Variants in CR1L observed in about 807,000 individuals in gnomAD.
The protein encoded by CR1L is complement component receptor 1-like protein.
Under a neutral mutation model 62.3 loss-of-function variants are expected in CR1L, and 59 were observed. The ratio of observed to expected loss-of-function variants is 0.95; its 90% CI spans 0.77 to 1.18. The LOEUF (loss-of-function observed/expected upper bound fraction) is 1.18, where lower values mean the gene tolerates loss of function less well. Among genes scored for constraint, CR1L ranks in the 50% most tolerant of loss-of-function variants. CR1L has a pLI of 0.00. For synonymous variants in CR1L, 279 were observed against 248.7 expected, an observed-to-expected ratio of 1.12 and a Z score of -1.15; for missense variants, 700 against 702.8, an observed-to-expected ratio of 1.00 and a Z score of 0.04.
intron 9 of CR1L, among the ~76,000 whole-genome samples, chr1:207,704,397 A>G (rs1664239281): frequency 6.6e-6 from 1 of 152,258 alleles, no homozygotes; most frequent in Non-Finnish European, 1.5e-5. Flanking sequence ...GAGCATTGTT[A>G]AAATGACCAC....
At chr1:207,678,413 A>T (rs888617141) in intron 3 of CR1L, 116 bp downstream of exon 3, 5 of 897,328 alleles carry the variant, frequency 5.6e-6, no homozygotes, top group Non-Finnish European at 8.6e-6. Context: ...TGCTCTTTAA[A>T]GGCTTCAACA....
intron 9 of CR1L, among the ~76,000 whole-genome samples, chr1:207,704,466 GA>G (rs1234573855): frequency 6.6e-6 from 1 of 152,200 alleles, no homozygotes; most frequent in African/African-American, 2.4e-5. Flanking sequence ...TGGGAGGATT[GA>G]CTCCAATTTT....
Position 207,715,227 on chromosome 1 carries a change from A to T in CR1L, c.1415-2237A>T, listed in dbSNP as rs1156347298. The T allele has an allele frequency of 5.3e-6, 4 of 760,152 alleles. No homozygotes were observed. In the African/African-American group the frequency reaches 6.9e-5, roughly 13 times the overall value. The allele number at this position is 760,152 out of a possible 1,614,324, so 47.1% of individuals were successfully genotyped here. A position where few individuals can be genotyped will look rare whatever the true frequency, so the allele number is the denominator to read the frequency against. ...GATAGTCAAGGAGGAAATGGTAGTG[A>T]GGAAGCTGAGCATCTATTAGTGAAG... On this transcript the variant is annotated intron_variant, in intron 10 of 11. Coordinates refer to ENST00000508064, the MANE Select transcript of CR1L (RefSeq NM_175710.2).
rs778019725 is a variant in CR1L at position 207,708,247 on chromosome 1, G to A, written c.1398G>A (p.Lys466=). The change falls in exon 10 of 12, where the codon AAG becomes AAA. Residue 466 remains lysine, a synonymous_variant. Coordinates refer to ENST00000508064, the MANE Select transcript of CR1L (RefSeq NM_175710.2). The part of the protein sequence containing the change: ...LSGNTAHWSM[K]PPICQQIFCP... ...GCAATACTGCCCATTGGAGCATGAAGCCACCAATTTGTCAACGTGAGTTGA... is the reference window on the plus strand; with the variant it reads ...GCAATACTGCCCATTGGAGCATGAAACCACCAATTTGTCAACGTGAGTTGA... The A allele has an allele frequency of 6.2e-7, 1 of 1,611,356 alleles. No homozygotes were observed. Among genetic ancestry groups the A allele is most frequent in the Non-Finnish European group, 8.5e-7 (1 of 1,179,376 alleles).
At chr1:207,699,438 C>G (rs1664158465) in intron 8 of CR1L, among the ~76,000 whole-genome samples, 164 bp downstream of exon 8, 2 of 152,166 alleles carry the variant, frequency 1.3e-5, no homozygotes, top group Non-Finnish European at 2.9e-5. Flanking sequence ...GTGTACATCA[C>G]CTGTCTTTGG....
At chr1:207,657,158 G>T in intron 1 of CR1L, 2 of 909,364 alleles carry the variant, frequency 2.2e-6, no homozygotes, top group Admixed American at 1.8e-5. Context: ...AATAAAAAAT[G>T]GAAAACACAC....
At chr1:207,703,732 G>A (rs549921233) in intron 9 of CR1L, among the ~76,000 whole-genome samples, 90 of 152,262 alleles carry the variant, frequency 5.9e-4, no homozygotes, top group African/African-American at 1.8e-3. Flanking sequence ...CAAGGTGGGC[G>A]GATCATGAGG....
chr1:207,654,950 C>A lies in CR1L; in HGVS notation c.97+9620C>A, dbSNP rs142635310. Among the ~76,000 whole-genome samples the A allele has an allele frequency of 2.3e-3, 346 of 152,270 alleles. 1 individual carries two copies. The highest frequency in any genetic ancestry group is 7.9e-3 in the African/African-American group (330 of 41,558). ...GAGGCAGCAAAGAGGCTGGGTGGAACGGCACAGCAGATTTATTTAGATGTT... is the reference window on the plus strand; with the variant it reads ...GAGGCAGCAAAGAGGCTGGGTGGAAAGGCACAGCAGATTTATTTAGATGTT... On this transcript the variant is annotated intron_variant, in intron 1 of 11. Coordinates refer to ENST00000508064, the MANE Select transcript of CR1L (RefSeq NM_175710.2).
chr1:207,669,144 C>T (rs11578598), intron 1 of CR1L: 13,342 of 259,938 alleles, frequency 0.051, 571 homozygotes, highest in South Asian at 0.12. Context: ...GAAGGAAGCG[C>T]AGGGCCTCAC....
chr1:207,677,909 C>A (rs1164253194), intron 2 of CR1L, among the ~76,000 whole-genome samples: 2 of 152,146 alleles, frequency 1.3e-5, no homozygotes, highest in African/African-American at 4.8e-5. Flanking sequence ...CAATCTTGGG[C>A]CTTGAGATCT....
chr1:207,718,417 T>C (rs945253367), intron 11 of CR1L, among the ~76,000 whole-genome samples: 1 of 152,182 alleles, frequency 6.6e-6, no homozygotes, highest in African/African-American at 2.4e-5. Context: ...ATAAAAGGTG[T>C]TGACTTTTTA....
chr1:207,680,543 A>T (rs1570561), intron 3 of CR1L, among the ~76,000 whole-genome samples: 33,297 of 102,978 alleles, frequency 0.32, 3,834 homozygotes, highest in Non-Finnish European at 0.37. Context: ...AAAATAAAAA[A>T]ATTTTTTTTT....
intron 1 of CR1L, among the ~76,000 whole-genome samples, chr1:207,659,638 C>T (rs1663375266): frequency 6.6e-6 from 1 of 152,204 alleles, no homozygotes; most frequent in Non-Finnish European, 1.5e-5. Context: ...CCTGGTTCAT[C>T]TCACTGGGAC....
intron 10 of CR1L, among the ~76,000 whole-genome samples, chr1:207,717,172 G>A (rs1654017813): frequency 1.3e-5 from 2 of 152,056 alleles, no homozygotes; most frequent in African/African-American, 4.8e-5. Flanking sequence ...ACAACCAAAT[G>A]GGTGTTTGTA....
At chr1:207,656,535 A>C (rs1663313330) in intron 1 of CR1L, among the ~76,000 whole-genome samples, 1 of 152,158 alleles carries the variant, frequency 6.6e-6, no homozygotes, top group Non-Finnish European at 1.5e-5. Flanking sequence ...TAAAGAAAAG[A>C]GGTTTAATTG....
At chr1:207,706,785 T>C (rs1664274085) in intron 9 of CR1L, among the ~76,000 whole-genome samples, 1 of 152,170 alleles carries the variant, frequency 6.6e-6, no homozygotes, top group South Asian at 2.1e-4. Flanking sequence ...ATAAGCAAAT[T>C]TTTAAAAAGG....
chr1:207,712,105 G>C (rs542353988), intron 10 of CR1L, among the ~76,000 whole-genome samples: 1 of 152,310 alleles, frequency 6.6e-6, no homozygotes, highest in South Asian at 2.1e-4. Flanking sequence ...CGTGAATTCT[G>C]TCCTGAGTGA....
At chr1:207,671,590 C>T (rs181075352) in intron 1 of CR1L, among the ~76,000 whole-genome samples, 1 of 150,906 alleles carries the variant, frequency 6.6e-6, no homozygotes, top group Non-Finnish European at 1.5e-5. Flanking sequence ...ATTGATATGC[C>T]AGTAAGGAAG....
intron 9 of CR1L, among the ~76,000 whole-genome samples, chr1:207,706,045 A>ATATATATATATATATATAT (rs1571531605): frequency 2.8e-5 from 4 of 141,856 alleles, no homozygotes; most frequent in Admixed American, 7.1e-5. Context: ...ATATATATAT[A>ATATATATATATATATATAT]AAACACTGAA....
Sources: allele counts gnomAD v4.1 joint callset (sites outside exome capture counted in the v4.1 genomes callset), GRCh38; gene constraint gnomAD v4.1.1; transcripts MANE v1.5; gene names NCBI Gene and HGNC (gene_info 2026-07-23, HGNC 2026-07-21).